The following DENND1B variants were observed in gnomAD, a reference collection of about 807,000 sequenced individuals.
DENND1B encodes DENN domain-containing protein 1B.
In DENND1B, 59 loss-of-function variants were observed where a neutral mutation model predicts 90.1. That is an observed-to-expected ratio of 0.65 (90% CI 0.53 to 0.81). The LOEUF is 0.81. DENND1B is among the 40% of genes least tolerant of loss of function. The pLI, the probability that DENND1B is intolerant of heterozygous loss-of-function variation, is 0.00. For synonymous variants in DENND1B, 337 were observed against 324.6 expected, an observed-to-expected ratio of 1.04 and a Z score of -0.41; for missense variants, 862 against 912.6, an observed-to-expected ratio of 0.94 and a Z score of 0.71.
chr1:197,562,867 T>C (rs1672290737), intron 15 of DENND1B, among the ~76,000 whole-genome samples: 1 of 151,894 alleles, frequency 6.6e-6, no homozygotes, highest in South Asian at 2.1e-4. Flanking sequence ...CCCACACGAA[T>C]GACAAGAAGG....
chr1:197,719,969 T>A (rs1661004367), intron 2 of DENND1B, among the ~76,000 whole-genome samples: 1 of 152,212 alleles, frequency 6.6e-6, no homozygotes, highest in Non-Finnish European at 1.5e-5. Flanking sequence ...AGCTGAAGTC[T>A]GGGTCTTCTA....
At chr1:197,591,418 A>G (rs1222675488) in intron 14 of DENND1B, among the ~76,000 whole-genome samples, 1 of 152,204 alleles carries the variant, frequency 6.6e-6, no homozygotes, top group Non-Finnish European at 1.5e-5. Context: ...TATACAATGA[A>G]GCAGCTTGCC....
chr1:197,612,615 C>T lies in DENND1B; in HGVS notation c.774-639G>A, dbSNP rs529740561. Among the ~76,000 whole-genome samples the T allele has an allele frequency of 1.7e-4, 25 of 150,642 alleles. No individual in the cohort carries two copies. The South Asian group carries it at 5.2e-3, about 31-fold the overall frequency. ...TTTTATTTACCTAATTTTATAAATT[C>T]AGATTTATCCAACTTTCACTTTTAT... On this transcript the variant is annotated intron_variant, in intron 11 of 22. Coordinates refer to ENST00000620048, the MANE Select transcript of DENND1B (RefSeq NM_001195215.2).
At chr1:197,776,210 G>A (rs2102533278), upstream of DENND1B, among the ~76,000 whole-genome samples, 1 of 152,308 alleles carries the variant, frequency 6.6e-6, no homozygotes, top group African/African-American at 2.4e-5. Context: ...ATGTGAAGCA[G>A]GTTATGTGCA....
chr1:197,768,920 A>G (rs1415392480), intron 2 of DENND1B, among the ~76,000 whole-genome samples: 1 of 152,324 alleles, frequency 6.6e-6, no homozygotes, highest in South Asian at 2.1e-4. Context: ...AGTAGACCAG[A>G]TAAAGATCAC....
chr1:197,647,324 G>T (rs1314261904), intron 7 of DENND1B, among the ~76,000 whole-genome samples: 1 of 152,004 alleles, frequency 6.6e-6, no homozygotes, highest in African/African-American at 2.4e-5. Context: ...TATTACAAGA[G>T]TAGAGAATGC....
chr1:197,714,593 G>T (rs1445370851), intron 3 of DENND1B, among the ~76,000 whole-genome samples: 2 of 152,070 alleles, frequency 1.3e-5, no homozygotes, highest in Non-Finnish European at 1.5e-5. Context: ...ACTTCTATAT[G>T]TAAATGACTC....
chr1:197,516,941 C>T lies in DENND1B; in HGVS notation c.1516-3988G>A, dbSNP rs1571704025. On this transcript the variant is annotated intron_variant, in intron 20 of 22. Transcript: ENST00000620048. Reference sequence around the variant, plus strand: ...CCTTCAACATCCAGCTCAAATGTAGCCTCTGGAAAGCTTTATCTGCTAAGT... The same window carrying T: ...CCTTCAACATCCAGCTCAAATGTAGTCTCTGGAAAGCTTTATCTGCTAAGT... 2.0e-5 allele frequency among the ~76,000 whole-genome samples: 3 copies of T among 151,806 alleles called. 1 individual carries two copies. In the South Asian group the frequency reaches 6.2e-4, roughly 32 times the overall value.
At chr1:197,595,906 A>G (rs956791016) in intron 13 of DENND1B, among the ~76,000 whole-genome samples, 2 of 152,124 alleles carry the variant, frequency 1.3e-5, no homozygotes, top group African/African-American at 4.8e-5. Flanking sequence ...ACATTGTGTC[A>G]TTTAATCTTC....
At chr1:197,766,567 A>G (rs1655726524) in intron 2 of DENND1B, among the ~76,000 whole-genome samples, 1 of 152,210 alleles carries the variant, frequency 6.6e-6, no homozygotes, top group Admixed American at 6.5e-5. Context: ...ATATTTTGCT[A>G]TGAAGAGAGG....
At chr1:197,707,173 G>T (rs758499516) in intron 3 of DENND1B, among the ~76,000 whole-genome samples, 1 of 152,198 alleles carries the variant, frequency 6.6e-6, no homozygotes, top group Non-Finnish European at 1.5e-5. Flanking sequence ...AAAGACAGAT[G>T]TCTCATGTTC....
intron 20 of DENND1B, among the ~76,000 whole-genome samples, chr1:197,537,601 A>G (rs1670008034): frequency 6.6e-6 from 1 of 152,064 alleles, no homozygotes; most frequent in Non-Finnish European, 1.5e-5. Flanking sequence ...TAGATGTGTT[A>G]ATTTGCTTGA....
intron 3 of DENND1B, among the ~76,000 whole-genome samples, chr1:197,700,200 G>A (rs1020711953): frequency 1.3e-5 from 2 of 152,044 alleles, no homozygotes; most frequent in Non-Finnish European, 2.9e-5. Context: ...GAGGCATCAC[G>A]CTACCTGACT....
chr1:197,661,793 T>C (rs925560838), intron 5 of DENND1B, among the ~76,000 whole-genome samples: 1 of 152,088 alleles, frequency 6.6e-6, no homozygotes. Context: ...CTTTATATTA[T>C]TGTTTTTCAC....
chr1:197,704,816 G>A (rs1458594506), intron 3 of DENND1B, among the ~76,000 whole-genome samples: 1 of 151,532 alleles, frequency 6.6e-6, no homozygotes, highest in East Asian at 1.9e-4. Context: ...AAATAAGTGA[G>A]GTAAGTTTGA....
intron 11 of DENND1B, among the ~76,000 whole-genome samples, chr1:197,612,824 G>A (rs986032902): frequency 4.0e-5 from 6 of 150,430 alleles, no homozygotes; most frequent in African/African-American, 1.5e-4. Flanking sequence ...AAATATAGAT[G>A]TTAAATTTTT....
intron 17 of DENND1B, 126 bp downstream of exon 17, chr1:197,546,607 G>T: frequency 1.2e-6 from 1 of 845,692 alleles, no homozygotes; most frequent in Non-Finnish European, 1.8e-6. Context: ...TATTTAAAAT[G>T]TGACAAAATA....
At chr1:197,595,395 C>T in intron 13 of DENND1B, 62 bp from the exon 14 acceptor site, 2 of 1,581,268 alleles carry the variant, frequency 1.3e-6, no homozygotes, top group Non-Finnish European at 1.7e-6. Context: ...GAGGTAGGAA[C>T]CCAATCAGCA....
At chr1:197,577,690 A>C (rs1426787687) in intron 15 of DENND1B, among the ~76,000 whole-genome samples, 1 of 152,226 alleles carries the variant, frequency 6.6e-6, no homozygotes. Flanking sequence ...CTGCTAGCTA[A>C]AGAAAGACGG....
Sources: allele counts gnomAD v4.1 joint callset (sites outside exome capture counted in the v4.1 genomes callset), GRCh38; gene constraint gnomAD v4.1.1; transcripts MANE v1.5; gene names NCBI Gene and HGNC (gene_info 2026-07-23, HGNC 2026-07-21).